MYO9A: variants seen among roughly 807,000 people sequenced by gnomAD.
The protein encoded by MYO9A is myosin IXA.
A neutral mutation model predicts 293.3 loss-of-function variants in MYO9A; 103 were observed. The ratio of observed to expected loss-of-function variants is 0.35; its 90% CI spans 0.30 to 0.41. MYO9A has a LOEUF of 0.41. Ranked by LOEUF, MYO9A falls within the 10% of genes least tolerant of loss-of-function variation. MYO9A has a pLI of 1.00. For synonymous variants in MYO9A, 1,001 were observed against 1,035.7 expected (o/e 0.97, Z 0.64); for missense variants, 2,685 against 3,033.0 (o/e 0.89, Z 2.69).
At chr15:71,919,841 CAA>C (rs373980359) in intron 18 of MYO9A, among the ~76,000 whole-genome samples, 4 of 82,496 alleles carry the variant, frequency 4.8e-5, no homozygotes, top group Admixed American at 1.5e-4. Flanking sequence ...GACTCCATCT[CAA>C]AAAAAAAAAA....
At chr15:71,910,182 A>AT (rs1567260909) in intron 19 of MYO9A, among the ~76,000 whole-genome samples, 12 of 145,732 alleles carry the variant, frequency 8.2e-5, no homozygotes, top group Admixed American at 1.4e-4. Context: ...ATATATATAT[A>AT]AAATCAGAAA....
intron 39 of MYO9A, among the ~76,000 whole-genome samples, chr15:71,843,926 T>C (rs544102830): frequency 6.6e-6 from 1 of 152,332 alleles, no homozygotes; most frequent in African/African-American, 2.4e-5. Flanking sequence ...CTCTGAGACT[T>C]TGTGAGTCCT....
At chr15:71,973,342 T>C (rs1307972272) in intron 12 of MYO9A, among the ~76,000 whole-genome samples, 1 of 152,160 alleles carries the variant, frequency 6.6e-6, no homozygotes, top group African/African-American at 2.4e-5. Context: ...AATAGTTCCA[T>C]TTTGTAGATT....
intron 11 of MYO9A, among the ~76,000 whole-genome samples, chr15:71,983,469 TC>T (rs368100046): frequency 4.1e-5 from 6 of 147,258 alleles, no homozygotes; most frequent in African/African-American, 1.3e-4. Context: ...TTTTTTTATT[TC>T]TTTTTTTTTT....
At chr15:72,021,603 A>G (rs1429460121) in intron 4 of MYO9A, among the ~76,000 whole-genome samples, 2 of 152,178 alleles carry the variant, frequency 1.3e-5, no homozygotes, top group African/African-American at 2.4e-5. Context: ...ACAAGATTCA[A>G]TTCGGACTTC....
intron 39 of MYO9A, among the ~76,000 whole-genome samples, chr15:71,838,833 T>C (rs2055037313): frequency 6.6e-6 from 1 of 152,202 alleles, no homozygotes; most frequent in South Asian, 2.1e-4. Context: ...TCTCAGTTTG[T>C]ACAGAAAAAT....
intron 15 of MYO9A, among the ~76,000 whole-genome samples, chr15:71,942,703 C>A (rs199633968): frequency 1.7e-3 from 263 of 152,050 alleles, no homozygotes; most frequent in Non-Finnish European, 3.3e-3. Context: ...AGTACAAGAA[C>A]CTTCAAATGT....
chr15:71,847,600 T>TTATC (rs1330971800), intron 39 of MYO9A: 2 of 324,670 alleles, frequency 6.2e-6, no homozygotes, highest in Non-Finnish European at 1.4e-5. Context: ...AAAGCGCAGC[T>TTATC]TATCTATCTG....
chr15:71,910,101 C>T (rs1330717003), intron 19 of MYO9A, among the ~76,000 whole-genome samples: 11 of 137,776 alleles, frequency 8.0e-5, no homozygotes, highest in African/African-American at 2.5e-4. Context: ...TATATATATA[C>T]GTATATATAT....
chr15:71,880,892 A>G (rs1374453800), intron 28 of MYO9A, among the ~76,000 whole-genome samples: 2 of 152,254 alleles, frequency 1.3e-5, no homozygotes, highest in African/African-American at 4.8e-5. Context: ...AGAAAAGAAG[A>G]GAATATAAAA....
chr15:71,971,305 A>C (rs1237918090), intron 12 of MYO9A, among the ~76,000 whole-genome samples: 1 of 152,124 alleles, frequency 6.6e-6, no homozygotes, highest in Non-Finnish European at 1.5e-5. Flanking sequence ...ACAGGACAGG[A>C]CAGGCACAGT....
intron 13 of MYO9A, among the ~76,000 whole-genome samples, chr15:71,965,087 T>C (rs2075839262): frequency 6.6e-6 from 1 of 151,966 alleles, no homozygotes; most frequent in Admixed American, 6.5e-5. Flanking sequence ...CTGGATTTCA[T>C]TAATGTTCAG....
At chr15:71,906,758 C>CTTTTTT (rs71131714) in intron 19 of MYO9A, among the ~76,000 whole-genome samples, 1 of 61,032 alleles carries the variant, frequency 1.6e-5, no homozygotes, top group Non-Finnish European at 3.1e-5. Flanking sequence ...CCATTTCTTT[C>CTTTTTT]TTTTTTTTTT....
intron 1 of MYO9A, among the ~76,000 whole-genome samples, chr15:72,108,738 C>T (rs1374350713): frequency 6.7e-6 from 1 of 148,388 alleles, no homozygotes; most frequent in East Asian, 2.0e-4. Context: ...AAGTATTTTG[C>T]AGTAAACTTG....
chr15:71,921,011 A>C (rs2058142995), intron 18 of MYO9A, among the ~76,000 whole-genome samples: 1 of 152,202 alleles, frequency 6.6e-6, no homozygotes, highest in Non-Finnish European at 1.5e-5. Flanking sequence ...AACACAGTAA[A>C]ATTAGTTTGA....
chr15:72,098,037 G>A (rs1279965939), intron 1 of MYO9A, among the ~76,000 whole-genome samples: 1 of 151,908 alleles, frequency 6.6e-6, no homozygotes, highest in African/African-American at 2.4e-5. Context: ...AAGATGAGTG[G>A]GCATAACAAA....
At chr15:71,882,166 G>A (rs138054495) in intron 28 of MYO9A, among the ~76,000 whole-genome samples, 1,882 of 152,138 alleles carry the variant, frequency 0.012, 23 homozygotes, top group Non-Finnish European at 0.019. Context: ...CTGTAACTGG[G>A]TCTGTTCTAT....
At chr15:71,848,744 T>TAAAA in intron 39 of MYO9A, 101 bp downstream of exon 39, 1 of 1,356,514 alleles carries the variant, frequency 7.4e-7, no homozygotes, top group Non-Finnish European at 9.8e-7. Flanking sequence ...TTGTTTTTTA[T>TAAAA]AAAAAAGATT....
chr15:71,835,645 T>G (rs904316297), intron 39 of MYO9A, among the ~76,000 whole-genome samples: 2 of 152,096 alleles, frequency 1.3e-5, no homozygotes, highest in Admixed American at 1.3e-4. Flanking sequence ...AATGAAGAGA[T>G]ATATCATGTT....
Sources: allele counts gnomAD v4.1 joint callset (sites outside exome capture counted in the v4.1 genomes callset), GRCh38; gene constraint gnomAD v4.1.1; transcripts MANE v1.5; gene names NCBI Gene and HGNC (gene_info 2026-07-23, HGNC 2026-07-21).